The following TRIM36 variants were observed in gnomAD, a reference collection of about 807,000 sequenced individuals.
TRIM36 encodes tripartite motif containing 36, also known as E3 ubiquitin-protein ligase TRIM36.
In TRIM36, 42 loss-of-function variants were observed where a neutral mutation model predicts 72.4. The observed-to-expected ratio is 0.58, with a 90% CI of 0.45 to 0.75. The LOEUF is 0.75. TRIM36 is among the 30% of genes least tolerant of loss of function. The pLI is 0.00. For synonymous variants in TRIM36, 315 were observed against 282.8 expected (o/e 1.11, Z -1.14); for missense variants, 913 against 857.1 (o/e 1.07, Z -0.81).
Position 115,147,089 on chromosome 5 carries a change from T to G in TRIM36, c.568A>C (p.Thr190Pro). The change falls in exon 3 of 10, where the codon ACT (threonine) becomes CCT (proline). Residue 190 changes from threonine (T) to proline (P), a missense_variant. Thr to Pro is a conservative substitution (Grantham distance 38). Coordinates refer to ENST00000513154, the MANE Select transcript of TRIM36 (RefSeq NM_001300759.2). ...CTTACCTTGGGTCTGAAGTTAGTAG[T>G]TGGACCAACATACTCATGTTGAGCT... ...IKAQHEYVGP[T>P]TNFRPKILMC... is the part of the protein sequence containing the mutation. 1.2e-6 allele frequency: 2 copies of G among 1,612,786 alleles called. No homozygotes were observed. The highest frequency in any genetic ancestry group is 2.2e-5 in the East Asian group (1 of 44,852).
chr5:115,139,331 C>T (rs950093426), intron 5 of TRIM36, among the ~76,000 whole-genome samples: 2 of 151,960 alleles, frequency 1.3e-5, no homozygotes, highest in Non-Finnish European at 2.9e-5. Flanking sequence ...CCATGTTGGC[C>T]AGGCTGGTCT....
intron 1 of TRIM36, chr5:115,179,910 G>T: frequency 6.9e-7 from 1 of 1,445,380 alleles, no homozygotes; most frequent in Non-Finnish European, 9.4e-7. Context: ...GACGCCCACA[G>T]TGGCGGGCCA....
intron 1 of TRIM36, chr5:115,177,782 C>A: frequency 1.2e-6 from 2 of 1,614,114 alleles, no homozygotes; most frequent in Non-Finnish European, 8.5e-7. Flanking sequence ...TGCTTTCCAA[C>A]CTCAGAGATT....
intron 1 of TRIM36, among the ~76,000 whole-genome samples, chr5:115,164,463 A>C (rs1209995411): frequency 6.6e-6 from 1 of 152,220 alleles, no homozygotes; most frequent in Non-Finnish European, 1.5e-5. Context: ...GGGAGTCCTC[A>C]AGAAACTTAC....
intron 2 of TRIM36, among the ~76,000 whole-genome samples, chr5:115,158,518 C>T (rs1042090786): frequency 1.3e-4 from 20 of 152,186 alleles, no homozygotes; most frequent in Admixed American, 5.2e-4. Context: ...ATTCTGGCTG[C>T]GACTTCCCCA....
At chr5:115,139,673 TA>T (rs1026427633) in intron 5 of TRIM36, among the ~76,000 whole-genome samples, 1 of 151,994 alleles carries the variant, frequency 6.6e-6, no homozygotes, top group African/African-American at 2.4e-5. Context: ...AAATTACAGA[TA>T]AAAAAGACAG....
upstream of TRIM36, among the ~76,000 whole-genome samples, chr5:115,173,510 ATG>A (rs1425580268): frequency 2.1e-5 from 3 of 143,064 alleles, no homozygotes; most frequent in African/African-American, 9.0e-5. Context: ...GTGTGTGGAC[ATG>A]TGTATTTGAA....
chr5:115,180,001 T>G (rs759181130), exon 1 of TRIM36: 68 of 1,614,116 alleles, frequency 4.2e-5, no homozygotes, highest in Non-Finnish European at 5.8e-5. Context: ...AATTCCATGA[T>G]GTAGCCAAAT....
intron 2 of TRIM36, among the ~76,000 whole-genome samples, chr5:115,154,527 A>G (rs1362734147): frequency 6.6e-6 from 1 of 152,228 alleles, no homozygotes; most frequent in Non-Finnish European, 1.5e-5. Context: ...CCACAGAAAT[A>G]CAAAAGATCA....
chr5:115,134,546 ATT>A (rs11341793), intron 7 of TRIM36, among the ~76,000 whole-genome samples: 30 of 149,736 alleles, frequency 2.0e-4, no homozygotes, highest in Non-Finnish European at 3.1e-4. Context: ...CTCTCAATGA[ATT>A]TTTTTTTTTT....
At chr5:115,138,964 C>T (rs529475966) in intron 5 of TRIM36, among the ~76,000 whole-genome samples, 3 of 151,824 alleles carry the variant, frequency 2.0e-5, no homozygotes, top group Non-Finnish European at 2.9e-5. Flanking sequence ...TACGGGCGCC[C>T]GCCACCACAC....
rs772521749 is a variant in TRIM36, at chr5:115,133,945, G to C, written c.1413C>G (p.Thr471=). 1 of 1,613,656 alleles carries C rather than the reference G, an allele frequency of 6.2e-7. No homozygotes were observed. The highest frequency in any genetic ancestry group is 1.1e-5 in the South Asian group (1 of 90,974). ...TGTAAGCTCTTACTCTGAAAGCATA[G>C]GTACTACTGTTTTCCAAGTCTTGAA... ...KIIQDLENSS[T]YAFRVRAYKG... is the part of the protein sequence containing the mutation. Residue 471 remains threonine, a synonymous_variant, in exon 8 of 10, where the codon ACC becomes ACG. Transcript: ENST00000513154.
At chr5:115,157,267 G>C (rs1754225441) in intron 2 of TRIM36, among the ~76,000 whole-genome samples, 1 of 152,016 alleles carries the variant, frequency 6.6e-6, no homozygotes, top group South Asian at 2.1e-4. Context: ...ATTCCTTAAA[G>C]AACTAAAAGT....
intron 5 of TRIM36, 60 bp downstream of exon 5, chr5:115,141,219 G>T: frequency 8.2e-7 from 1 of 1,221,942 alleles, no homozygotes; most frequent in Non-Finnish European, 1.2e-6. Flanking sequence ...ATGAACAAAT[G>T]AATGAATGTC....
chr5:115,151,667 T>C (rs1467924283), intron 2 of TRIM36, among the ~76,000 whole-genome samples: 2 of 152,152 alleles, frequency 1.3e-5, no homozygotes, highest in East Asian at 3.9e-4. Flanking sequence ...GTGCTGGTGG[T>C]ATCCATGGCT....
At chr5:115,166,680 T>C (rs180779027) in intron 1 of TRIM36, among the ~76,000 whole-genome samples, 12 of 152,264 alleles carry the variant, frequency 7.9e-5, no homozygotes, top group Non-Finnish European at 1.6e-4. Flanking sequence ...CGCCATGTTG[T>C]GGGTGACGAT....
intron 3 of TRIM36, among the ~76,000 whole-genome samples, chr5:115,145,662 G>A (rs1224097874): frequency 1.3e-5 from 2 of 152,186 alleles, no homozygotes; most frequent in Non-Finnish European, 2.9e-5. Flanking sequence ...AAGAAGCTGG[G>A]ATCACAGGCA....
At chr5:115,146,517 T>C (rs1753601834) in intron 3 of TRIM36, among the ~76,000 whole-genome samples, 1 of 152,186 alleles carries the variant, frequency 6.6e-6, no homozygotes, top group East Asian at 1.9e-4. Context: ...TTTTGAGCAA[T>C]ATTAAAGAAA....
intron 5 of TRIM36, among the ~76,000 whole-genome samples, chr5:115,138,771 T>C (rs1411274619): frequency 2.0e-5 from 3 of 152,100 alleles, no homozygotes; most frequent in Non-Finnish European, 4.4e-5. Context: ...TAAGCACTTA[T>C]TATAACAGAC....
Sources: allele counts gnomAD v4.1 joint callset (sites outside exome capture counted in the v4.1 genomes callset), GRCh38; gene constraint gnomAD v4.1.1; transcripts MANE v1.5; gene names NCBI Gene and HGNC (gene_info 2026-07-23, HGNC 2026-07-21).